SRGAP2B: variants seen among roughly 807,000 people sequenced by gnomAD.
SRGAP2B encodes the protein SLIT-ROBO Rho GTPase-activating protein 2B.
A neutral mutation model predicts 22.2 loss-of-function variants in SRGAP2B; 9 were observed. That is an observed-to-expected ratio of 0.41 (90% CI 0.24 to 0.71). SRGAP2B has a LOEUF of 0.71. Ranked by LOEUF, SRGAP2B falls within the 30% of genes least tolerant of loss-of-function variation. SRGAP2B has a pLI of 0.35. For missense variants in SRGAP2B, 114 were observed against 235.8 expected (o/e 0.48, Z 3.38); for synonymous variants, 36 against 87.4 (o/e 0.41, Z 3.28).
At chr1:145,015,797 G>A (rs1177098922) in intron 2 of SRGAP2B, among the ~76,000 whole-genome samples, 1 of 61,814 alleles carries the variant, frequency 1.6e-5, no homozygotes, top group Non-Finnish European at 3.0e-5. Context: ...AAAAAAAGAT[G>A]AGACTGTTGA....
At chr1:145,020,023 T>A (rs1672677650) in intron 2 of SRGAP2B, among the ~76,000 whole-genome samples, 1 of 150,832 alleles carries the variant, frequency 6.6e-6, no homozygotes, top group South Asian at 2.1e-4. Context: ...CTTCCCCCAA[T>A]ATCCACGTGG....
At chr1:145,045,063 CA>C (rs1185769321) in intron 2 of SRGAP2B, among the ~76,000 whole-genome samples, 27 of 122,210 alleles carry the variant, frequency 2.2e-4, no homozygotes, top group East Asian at 2.5e-4. Flanking sequence ...TAATTTAAAA[CA>C]AAAAAAAAAG....
chr1:144,928,388 T>A (rs2790284), intron 4 of SRGAP2B, among the ~76,000 whole-genome samples: 11,323 of 135,328 alleles, frequency 0.084, 34 homozygotes, highest in African/African-American at 0.097. Flanking sequence ...AACATTTGGG[T>A]TGCTTCCACT....
intron 2 of SRGAP2B, among the ~76,000 whole-genome samples, chr1:145,002,699 A>G (rs1671282926): frequency 2.0e-5 from 3 of 150,528 alleles, no homozygotes. Context: ...TCAAGAAATT[A>G]CAATCTAATT....
At chr1:144,908,282 G>C (rs1364401653) in intron 5 of SRGAP2B, among the ~76,000 whole-genome samples, 1 of 150,264 alleles carries the variant, frequency 6.7e-6, no homozygotes, top group Non-Finnish European at 1.5e-5. Flanking sequence ...ATAAACATGA[G>C]ATAAAAAAGA....
chr1:145,007,504 G>A (rs1346234321), intron 2 of SRGAP2B, among the ~76,000 whole-genome samples: 1 of 150,728 alleles, frequency 6.6e-6, no homozygotes, highest in Non-Finnish European at 1.5e-5. Flanking sequence ...TCTTCTTGAA[G>A]GCAATAGCAG....
At chr1:144,955,416 T>A (rs1553610068) in intron 4 of SRGAP2B, 23 bp downstream of exon 4, 1 of 1,600,270 alleles carries the variant, frequency 6.2e-7, no homozygotes, top group South Asian at 1.1e-5. Flanking sequence ...CCCAAGAACC[T>A]CTGTGAAGAA....
intron 4 of SRGAP2B, among the ~76,000 whole-genome samples, chr1:144,929,680 G>A (rs1194442887): frequency 6.6e-6 from 1 of 151,312 alleles, no homozygotes; most frequent in Non-Finnish European, 1.5e-5. Flanking sequence ...GAAAAATGAT[G>A]AGAGATATAT....
At position 145,090,087 on chromosome 1, in the gene SRGAP2B, T is replaced by G. The variant is rs587699667; in HGVS notation, c.67+2748A>C. On this transcript the variant is annotated intron_variant, in intron 2 of 9. Transcript: ENST00000612199. ...CTGCATAGCTGTTACAGCAATTTTC[T>G]TTTTATCTTGGCATCTGTAAGAGAA... 6.1e-5 allele frequency among the ~76,000 whole-genome samples: 9 copies of G among 146,736 alleles called. 1 individual carries two copies. The highest frequency in any genetic ancestry group is 2.6e-4 in the Admixed American group (4 of 15,096).
At chr1:144,925,465 GA>G (rs1351300033) in intron 4 of SRGAP2B, among the ~76,000 whole-genome samples, 2 of 142,436 alleles carry the variant, frequency 1.4e-5, no homozygotes, top group African/African-American at 5.7e-5. Flanking sequence ...CTGACATGGT[GA>G]AACGCTGTCT....
chr1:144,951,222 C>T (rs1353098111), intron 4 of SRGAP2B, among the ~76,000 whole-genome samples: 2 of 147,270 alleles, frequency 1.4e-5, no homozygotes, highest in East Asian at 3.9e-4. Flanking sequence ...GTTACTCAGG[C>T]TAGAGTACAG....
At chr1:144,974,889 G>A (rs1404062377) in intron 3 of SRGAP2B, among the ~76,000 whole-genome samples, 1 of 150,080 alleles carries the variant, frequency 6.7e-6, no homozygotes. Context: ...TGATGCTGAT[G>A]CTGATGCTGG....
chr1:144,972,686 T>A (rs1668611917), intron 3 of SRGAP2B, among the ~76,000 whole-genome samples: 1 of 146,748 alleles, frequency 6.8e-6, no homozygotes, highest in African/African-American at 2.6e-5. Flanking sequence ...TAAAAAACAA[T>A]GCTCTTAAAG....
intron 3 of SRGAP2B, among the ~76,000 whole-genome samples, chr1:144,990,804 C>A (rs1387065277): frequency 6.6e-5 from 10 of 151,350 alleles, no homozygotes; most frequent in East Asian, 1.9e-4. Context: ...CCAGTGGCTG[C>A]GGAGGGTGTA....
At chr1:144,920,503 C>G (rs1477874726) in intron 4 of SRGAP2B, among the ~76,000 whole-genome samples, 1 of 150,052 alleles carries the variant, frequency 6.7e-6, no homozygotes, top group African/African-American at 2.5e-5. Flanking sequence ...AAACTCCTGG[C>G]TTCAAACAAT....
chr1:145,019,926 C>A (rs1672670173), intron 2 of SRGAP2B, among the ~76,000 whole-genome samples: 1 of 151,112 alleles, frequency 6.6e-6, no homozygotes, highest in Non-Finnish European at 1.5e-5. Flanking sequence ...GGCCTTCTTG[C>A]CATTCCTCAA....
chr1:144,925,694 C>A (rs1321766051), intron 4 of SRGAP2B, among the ~76,000 whole-genome samples: 11 of 56,504 alleles, frequency 1.9e-4, no homozygotes, highest in South Asian at 6.1e-4. Context: ...AGTGGGGGGG[C>A]AGAGAGAGAG....
intron 4 of SRGAP2B, among the ~76,000 whole-genome samples, chr1:144,934,400 T>A (rs1365664898): frequency 5.6e-5 from 5 of 88,990 alleles, no homozygotes; most frequent in South Asian, 7.9e-4. Context: ...CAAAACTCCA[T>A]CTCAAAAAAA....
At chr1:145,094,110 A>C (rs1427279710) in intron 1 of SRGAP2B, among the ~76,000 whole-genome samples, 2 of 94,526 alleles carry the variant, frequency 2.1e-5, no homozygotes, top group Non-Finnish European at 4.0e-5. Context: ...CGCCTCCCTC[A>C]AGCTAGGGAC....
Sources: allele counts gnomAD v4.1 joint callset (sites outside exome capture counted in the v4.1 genomes callset), GRCh38; gene constraint gnomAD v4.1.1; transcripts MANE v1.5; gene names NCBI Gene and HGNC (gene_info 2026-07-23, HGNC 2026-07-21).